Variants in CIMIP4 observed in about 807,000 individuals in gnomAD.
CIMIP4 encodes the protein ciliary microtubule inner protein 4, also known as protein EAN57.
At chr22:36,992,667 T>G in the CIMIP4 span, among the ~76,000 whole-genome samples, 1 of 152,150 alleles carries the variant, frequency 6.6e-6, no homozygotes, top group Non-Finnish European at 1.5e-5. Context: ...CTAAGTTCTC[T>G]TCTTTTCCAT....
the CIMIP4 span, among the ~76,000 whole-genome samples, chr22:36,998,783 T>A: frequency 6.6e-6 from 1 of 151,988 alleles, no homozygotes; most frequent in Non-Finnish European, 1.5e-5. Context: ...TGTCAGAGCC[T>A]CCAACCCACC....
At chr22:37,004,138 C>G in the CIMIP4 span, 1 of 978,524 alleles carries the variant, frequency 1.0e-6, no homozygotes, top group Admixed American at 2.6e-5. Context: ...CGCCCCTGAT[C>G]AGAGGTTCCT....
At chr22:37,000,004 TGACA>T in the CIMIP4 span, 8 of 1,602,200 alleles carry the variant, frequency 5.0e-6, no homozygotes, top group Admixed American at 1.7e-5. Context: ...GAGGCAGGGA[TGACA>T]GACAGGGGAT....
the CIMIP4 span, among the ~76,000 whole-genome samples, chr22:37,001,254 C>T: frequency 1.3e-5 from 2 of 151,274 alleles, no homozygotes; most frequent in African/African-American, 2.4e-5. Flanking sequence ...GGTTGTGATA[C>T]GCTCACCATG....
the CIMIP4 span, among the ~76,000 whole-genome samples, chr22:37,003,106 C>T: frequency 6.6e-6 from 1 of 152,258 alleles, no homozygotes; most frequent in African/African-American, 2.4e-5. Flanking sequence ...GGCTGGGCAT[C>T]TTGGCCGTCA....
chr22:36,991,639 C>T, the CIMIP4 span: 13 of 1,474,866 alleles, frequency 8.8e-6, no homozygotes, highest in East Asian at 2.3e-5. Context: ...CAGTGGCAGT[C>T]GGGTACTCCA....
chr22:36,991,246 A>G, the CIMIP4 span: 2 of 1,614,150 alleles, frequency 1.2e-6, no homozygotes, highest in South Asian at 1.1e-5. Flanking sequence ...CTGCAAGTTC[A>G]GGTTCATAGC....
the CIMIP4 span, chr22:36,991,210 T>A: frequency 3.7e-6 from 6 of 1,614,066 alleles, no homozygotes; most frequent in Admixed American, 1.0e-4. Context: ...TTTGCTGTTT[T>A]CTCCATATTT....
chr22:36,993,670 A>G, the CIMIP4 span, among the ~76,000 whole-genome samples: 3 of 151,984 alleles, frequency 2.0e-5, no homozygotes, highest in Non-Finnish European at 4.4e-5. Context: ...CGGAGCTTGC[A>G]GTGAGCTGAG....
chr22:36,992,825 A>T, the CIMIP4 span, among the ~76,000 whole-genome samples: 2 of 151,880 alleles, frequency 1.3e-5, no homozygotes, highest in Non-Finnish European at 2.9e-5. Context: ...AAATAAAAAG[A>T]TGTGGGCTGG....
chr22:37,002,552 T>A, the CIMIP4 span, among the ~76,000 whole-genome samples: 1 of 152,132 alleles, frequency 6.6e-6, no homozygotes, highest in Non-Finnish European at 1.5e-5. Flanking sequence ...ACGGGCAGGG[T>A]TAGTCCACAT....
At chr22:37,001,109 T>C in the CIMIP4 span, among the ~76,000 whole-genome samples, 7 of 152,088 alleles carry the variant, frequency 4.6e-5, no homozygotes, top group Non-Finnish European at 7.3e-5. Context: ...AGAAAGAACA[T>C]AGCATTTGAC....
At chr22:37,003,941 C>T in the CIMIP4 span, 1 of 1,545,550 alleles carries the variant, frequency 6.5e-7, no homozygotes, top group Non-Finnish European at 8.7e-7. Flanking sequence ...GTGCATTCAG[C>T]ACATCCCTGG....
chr22:36,995,609 C>T, the CIMIP4 span, among the ~76,000 whole-genome samples: 6 of 152,322 alleles, frequency 3.9e-5, no homozygotes, highest in African/African-American at 1.4e-4. Flanking sequence ...TCTCAGGACA[C>T]CCAAAGCCAG....
chr22:36,991,712 G>A, the CIMIP4 span: 4 of 840,620 alleles, frequency 4.8e-6, no homozygotes, highest in Admixed American at 4.3e-5. Context: ...AGGAGAGTGG[G>A]AAGGGTTTCA....
At chr22:36,999,547 G>GAC in the CIMIP4 span, among the ~76,000 whole-genome samples, 1 of 28,074 alleles carries the variant, frequency 3.6e-5, no homozygotes, top group Non-Finnish European at 6.2e-5. Context: ...GGAGGGGAGG[G>GAC]GAGAGAAGGG....
chr22:37,003,072 A>T, the CIMIP4 span, among the ~76,000 whole-genome samples: 3 of 152,232 alleles, frequency 2.0e-5, no homozygotes, highest in Non-Finnish European at 4.4e-5. Flanking sequence ...CCAAAACTTC[A>T]AGTCCTCTTA....
At chr22:36,998,229 T>C in the CIMIP4 span, among the ~76,000 whole-genome samples, 1 of 152,192 alleles carries the variant, frequency 6.6e-6, no homozygotes, top group Non-Finnish European at 1.5e-5. Context: ...AAGAGAGAAC[T>C]GGAAGGCAGG....
At chr22:37,000,820 A>T in the CIMIP4 span, among the ~76,000 whole-genome samples, 1 of 152,166 alleles carries the variant, frequency 6.6e-6, no homozygotes, top group South Asian at 2.1e-4. Context: ...TCAAATTGGG[A>T]CAAGTTCCTC....
Sources: allele counts gnomAD v4.1 joint callset (sites outside exome capture counted in the v4.1 genomes callset), GRCh38; gene constraint gnomAD v4.1.1; transcripts MANE v1.5; gene names NCBI Gene and HGNC (gene_info 2026-07-23, HGNC 2026-07-21).